Variants in CREB3L2 observed in about 807,000 individuals in gnomAD.
CREB3L2 encodes the protein cyclic AMP-responsive element-binding protein 3-like protein 2.
In CREB3L2, 23 loss-of-function variants were observed where a neutral mutation model predicts 57.2. That is an observed-to-expected ratio of 0.40 (90% CI 0.29 to 0.57). The LOEUF is 0.57. Ranked by LOEUF, CREB3L2 falls within the 20% of genes least tolerant of loss-of-function variation. CREB3L2 has a pLI of 0.42. For synonymous variants in CREB3L2, 268 were observed against 265.1 expected, an observed-to-expected ratio of 1.01 and a Z score of -0.11; for missense variants, 628 against 634.7, an observed-to-expected ratio of 0.99 and a Z score of 0.11.
At chr7:137,927,108 G>C (rs1800483257) in intron 2 of CREB3L2, among the ~76,000 whole-genome samples, 1 of 151,938 alleles carries the variant, frequency 6.6e-6, no homozygotes, top group Non-Finnish European at 1.5e-5. Context: ...ACAGTGAGCT[G>C]AGATCATACC....
At chr7:137,901,313 C>A (rs1401088747) in intron 8 of CREB3L2, 41 bp downstream of exon 8, 1 of 1,219,448 alleles carries the variant, frequency 8.2e-7, no homozygotes, top group Non-Finnish European at 1.2e-6. Flanking sequence ...TCCCCATCTT[C>A]CATTGGTAGC....
intron 8 of CREB3L2, among the ~76,000 whole-genome samples, chr7:137,892,914 G>T (rs1193744897): frequency 6.6e-6 from 1 of 152,054 alleles, no homozygotes; most frequent in Non-Finnish European, 1.5e-5. Context: ...GGATATTTAA[G>T]GAAAATCATG....
At chr7:137,914,980 G>A (rs538361361) in intron 3 of CREB3L2, among the ~76,000 whole-genome samples, 81 of 152,014 alleles carry the variant, frequency 5.3e-4, no homozygotes, top group African/African-American at 1.8e-3. Context: ...TGCAGCTTCC[G>A]CCTCCCAAAG....
intron 1 of CREB3L2, among the ~76,000 whole-genome samples, chr7:137,960,375 A>G (rs945830625): frequency 2.0e-5 from 3 of 152,238 alleles, no homozygotes; most frequent in Non-Finnish European, 4.4e-5. Context: ...TAAATGCAGA[A>G]TAAATACATA....
At chr7:137,988,873 G>A (rs1026850358) in intron 1 of CREB3L2, among the ~76,000 whole-genome samples, 1 of 151,652 alleles carries the variant, frequency 6.6e-6, no homozygotes, top group Non-Finnish European at 1.5e-5. Flanking sequence ...GGGGCAGGAT[G>A]GCTTGAGCTC....
chr7:137,876,330 ACGTGTGTGTG>A lies in CREB3L2; in HGVS notation c.*4136_*4145del, dbSNP rs1563233050. 5.8e-6 allele frequency: 1 copy of A among 172,262 alleles called. No individual in the cohort carries two copies. The highest frequency in any genetic ancestry group is 4.3e-5 in the African/African-American group (1 of 23,342). The allele number at this position is 172,262 out of a possible 1,614,324, so 10.7% of individuals were successfully genotyped here. On this transcript the variant is annotated 3_prime_UTR_variant, in exon 12 of 12. Coordinates refer to ENST00000330387, the MANE Select transcript of CREB3L2 (RefSeq NM_194071.4). ...ATGAGCATGTAAGGGAGGAATGTGC[ACGTGTGTGTG>A]TGTGTGTGTGTGTGTGTGTGTGTGT...
intron 2 of CREB3L2, among the ~76,000 whole-genome samples, chr7:137,926,906 G>A (rs1800477998): frequency 6.6e-6 from 1 of 152,138 alleles, no homozygotes; most frequent in African/African-American, 2.4e-5. Context: ...CCTAGCACTT[G>A]GGGACGCTGT....
intron 1 of CREB3L2, among the ~76,000 whole-genome samples, chr7:137,958,243 A>G (rs914141249): frequency 3.3e-5 from 5 of 152,252 alleles, no homozygotes; most frequent in African/African-American, 1.2e-4. Flanking sequence ...AACACAAGTT[A>G]GAACTCAGGT....
In CREB3L2 at chr7:137,906,122, C is replaced by T. The variant is rs376458241; in HGVS notation, c.769-274G>A. On this transcript the variant is annotated intron_variant, in intron 5 of 11. Transcript: ENST00000330387. ...ATTATTTCCCGGGAAGCACCCTACT[C>T]GCTAAAACATGAAAAGAAAAAGCAG... is the stretch of plus-strand genomic sequence containing the variant. Among the ~76,000 whole-genome samples the T allele has an allele frequency of 1.1e-4, 16 of 152,254 alleles. No homozygotes were observed. The South Asian group carries it at 2.7e-3, about 26-fold the overall frequency.
intron 1 of CREB3L2, among the ~76,000 whole-genome samples, chr7:137,938,693 A>G (rs1800834421): frequency 6.6e-6 from 1 of 152,174 alleles, no homozygotes; most frequent in African/African-American, 2.4e-5. Flanking sequence ...TATTAAGTAA[A>G]AATGAATTTT....
chr7:137,903,934 C>T (rs748092561), intron 7 of CREB3L2, 25 bp downstream of exon 7: 28 of 1,598,376 alleles, frequency 1.8e-5, no homozygotes, highest in East Asian at 8.9e-5. Flanking sequence ...GCCCGATGAA[C>T]GCAACAGTTT....
At chr7:137,961,520 C>T (rs1801322507) in intron 1 of CREB3L2, among the ~76,000 whole-genome samples, 4 of 152,182 alleles carry the variant, frequency 2.6e-5, no homozygotes, top group Admixed American at 6.5e-5. Flanking sequence ...TTTATCCCAC[C>T]TTTGCCATCA....
At chr7:137,931,927 T>C (rs1055918423) in intron 1 of CREB3L2, among the ~76,000 whole-genome samples, 4 of 152,366 alleles carry the variant, frequency 2.6e-5, no homozygotes, top group Admixed American at 6.5e-5. Context: ...TTGTTGCTTT[T>C]TCTTTCTTTT....
intron 1 of CREB3L2, among the ~76,000 whole-genome samples, chr7:137,935,602 G>A (rs746124809): frequency 1.3e-5 from 2 of 151,974 alleles, no homozygotes; most frequent in Non-Finnish European, 2.9e-5. Context: ...GATGTAAACC[G>A]TTTACCCACC....
chr7:137,953,104 G>A (rs1451041343), intron 1 of CREB3L2, among the ~76,000 whole-genome samples: 3 of 152,226 alleles, frequency 2.0e-5, no homozygotes, highest in East Asian at 1.9e-4. Flanking sequence ...GGCATGAGCC[G>A]CTGTGCCCAG....
chr7:137,879,642 C>T lies in CREB3L2; in HGVS notation c.*834G>A, dbSNP rs534427946. ...CACGGGATCCCAGAGCCTAGGGTGC[C>T]CTCCTAGCTCTGAAGGCTCGCAGAA... On this transcript the variant is annotated 3_prime_UTR_variant, in exon 12 of 12. Transcript: ENST00000330387. 3 of 241,716 alleles carry T rather than the reference C, an allele frequency of 1.2e-5. No homozygotes were observed. Among genetic ancestry groups the T allele is most frequent in the African/African-American group, 2.2e-5 (1 of 45,424 alleles). 15.0% of individuals were successfully genotyped at this position (241,716 alleles called of 1,614,324 possible).
At chr7:137,911,031 CT>C (rs1799993783) in intron 4 of CREB3L2, among the ~76,000 whole-genome samples, 1 of 152,198 alleles carries the variant, frequency 6.6e-6, no homozygotes, top group African/African-American at 2.4e-5. Flanking sequence ...TCAGAAGCCA[CT>C]ATGGGATTCA....
intron 7 of CREB3L2, among the ~76,000 whole-genome samples, chr7:137,902,194 CAAAAAAAA>C (rs58506555): frequency 3.5e-5 from 3 of 84,948 alleles, no homozygotes; most frequent in South Asian, 1.0e-3. Flanking sequence ...ACTCTGTCTC[CAAAAAAAA>C]AAAAAAAAAA....
chr7:138,001,293 A>G lies in CREB3L2; in HGVS notation c.102+311T>C, dbSNP rs1802070126. 6.6e-6 allele frequency among the ~76,000 whole-genome samples: 1 copy of G among 152,148 alleles called. No homozygotes were observed. Among genetic ancestry groups the G allele is most frequent in the Admixed American group, 6.5e-5 (1 of 15,276 alleles). On this transcript the variant is annotated intron_variant, in intron 1 of 11. Coordinates refer to ENST00000330387, the MANE Select transcript of CREB3L2 (RefSeq NM_194071.4). This position sits in a 1 kb window ranked among gnomAD's most constrained non-coding sequence, Gnocchi z 4.2. ...CGGAGGCATGTTATTCTCAAAACAC[A>G]CACTCCCTCTCCCGCATTACAGTAC...
Sources: allele counts gnomAD v4.1 joint callset (sites outside exome capture counted in the v4.1 genomes callset), GRCh38; gene constraint gnomAD v4.1.1; non-coding constraint Gnocchi (gnomAD v3.1); transcripts MANE v1.5; gene names NCBI Gene and HGNC (gene_info 2026-07-23, HGNC 2026-07-21).